CCDC93: variants seen among roughly 807,000 people sequenced by gnomAD.
The protein encoded by CCDC93 is coiled-coil domain-containing protein 93.
A neutral mutation model predicts 108.2 loss-of-function variants in CCDC93; 61 were observed. The observed-to-expected ratio is 0.56, with a 90% CI of 0.46 to 0.70. The LOEUF (loss-of-function observed/expected upper bound fraction) is 0.70, where lower values mean the gene tolerates loss of function less well. Among genes scored for constraint, CCDC93 ranks in the 30% least tolerant of loss-of-function variants. The pLI is 0.00. For missense variants in CCDC93, 685 were observed against 764.2 expected (o/e 0.90, Z 1.22); for synonymous variants, 276 against 260.4 (o/e 1.06, Z -0.58).
At chr2:117,944,806 T>C in intron 17 of CCDC93, 1 of 471,092 alleles carries the variant, frequency 2.1e-6, no homozygotes, top group Non-Finnish European at 4.4e-6. Flanking sequence ...TCCTGGGAGA[T>C]TACGAGGGTA....
chr2:117,954,458 T>A (rs2104749823), intron 12 of CCDC93, among the ~76,000 whole-genome samples: 1 of 152,338 alleles, frequency 6.6e-6, no homozygotes, highest in African/African-American at 2.4e-5. Context: ...ATTCTTCATC[T>A]GATCATCTTT....
At chr2:117,970,610 C>T (rs1339173975) in intron 11 of CCDC93, among the ~76,000 whole-genome samples, 2 of 152,132 alleles carry the variant, frequency 1.3e-5, no homozygotes, top group East Asian at 1.9e-4. Context: ...ACAAGGAAAA[C>T]GTTACTCGAG....
At chr2:117,926,964 C>T (rs1431355274) in intron 23 of CCDC93, among the ~76,000 whole-genome samples, 1 of 152,154 alleles carries the variant, frequency 6.6e-6, no homozygotes, top group African/African-American at 2.4e-5. Flanking sequence ...GCTGGTACAA[C>T]ATATGCAAAT....
chr2:117,928,469 C>G (rs549793129), intron 23 of CCDC93, among the ~76,000 whole-genome samples: 1,750 of 152,312 alleles, frequency 0.011, 20 homozygotes, highest in Middle Eastern at 0.037. Context: ...AGACACTTCT[C>G]AAAAGAAGAC....
intron 11 of CCDC93, among the ~76,000 whole-genome samples, chr2:117,960,717 T>G (rs367746513): frequency 3.3e-5 from 5 of 152,198 alleles, no homozygotes; most frequent in East Asian, 3.9e-4. Flanking sequence ...TTGAGCCACA[T>G]GCTCCCTCAA....
intron 20 of CCDC93, among the ~76,000 whole-genome samples, chr2:117,938,209 A>G (rs1170846419): frequency 6.6e-6 from 1 of 152,210 alleles, no homozygotes; most frequent in Non-Finnish European, 1.5e-5. Context: ...GGTGAGAAAA[A>G]AGAGGCCACA....
Position 117,931,043 on chromosome 2 carries a change from G to A in CCDC93, c.1836C>T (p.Phe612=). The A allele has an allele frequency of 6.2e-7, 1 of 1,603,052 alleles. No individual in the cohort carries two copies. The highest frequency in any genetic ancestry group is 8.5e-7 in the Non-Finnish European group (1 of 1,171,248). Reference sequence around the variant, plus strand: ...TACCCAGCCTTCCTCTTACCTCCTTGAACTCTTTCACAGTCTTAAAGTATA... The same window carrying A: ...TACCCAGCCTTCCTCTTACCTCCTTAAACTCTTTCACAGTCTTAAAGTATA... ...QRLYFKTVKE[F]KEEGRKNEML... The change falls in exon 23 of 24, where the codon TTC becomes TTT. Residue 612 remains phenylalanine, a synonymous_variant. Transcript: ENST00000376300.
intron 23 of CCDC93, among the ~76,000 whole-genome samples, chr2:117,929,721 G>C (rs191902789): frequency 6.6e-6 from 1 of 152,262 alleles, no homozygotes; most frequent in East Asian, 1.9e-4. Context: ...TTCACTCACT[G>C]GCCCTTCTGG....
At chr2:117,978,644 C>A (rs1680016929) in intron 7 of CCDC93, among the ~76,000 whole-genome samples, 1 of 152,144 alleles carries the variant, frequency 6.6e-6, no homozygotes, top group African/African-American at 2.4e-5. Context: ...AAAATGCAAA[C>A]CACCCAGCCT....
At position 117,949,388 on chromosome 2, in the gene CCDC93, G is replaced by A. The variant is rs1678978261; in HGVS notation, c.1076C>T (p.Thr359Ile). The A allele has an allele frequency of 6.2e-7, 1 of 1,612,196 alleles. No homozygotes were observed. Among genetic ancestry groups the A allele is most frequent in the Non-Finnish European group, 8.5e-7 (1 of 1,178,272 alleles). The stretch of plus-strand genomic sequence containing the variant: ...CTCTTTGTCCAGTTTCTCACTGTAA[G>A]TCTTCAGCTGCAAGAGAGAATGAAG... ...EAKKTLTELKTYSEKLDKEQA... is the reference protein window; with the variant it reads ...EAKKTLTELKIYSEKLDKEQA... Residue 359 changes from threonine to isoleucine, a missense_variant, in exon 14 of 24, where the codon ACT becomes ATT. Physicochemically the swap from Thr to Ile is moderately conservative, Grantham distance 89. Coordinates refer to ENST00000376300, the MANE Select transcript of CCDC93 (RefSeq NM_019044.5).
chr2:117,933,810 CCTCT>C (rs1281774026), intron 22 of CCDC93, among the ~76,000 whole-genome samples: 1 of 152,068 alleles, frequency 6.6e-6, no homozygotes, highest in Non-Finnish European at 1.5e-5. Flanking sequence ...TATCTGGAGC[CCTCT>C]CTGAGAACTG....
chr2:117,969,778 T>C (rs180964818), intron 11 of CCDC93, among the ~76,000 whole-genome samples: 4 of 152,338 alleles, frequency 2.6e-5, no homozygotes, highest in African/African-American at 7.2e-5. Context: ...ATACTAGCTA[T>C]TACGCATACA....
At chr2:117,985,109 C>T (rs539620981) in intron 7 of CCDC93, among the ~76,000 whole-genome samples, 3 of 148,884 alleles carry the variant, frequency 2.0e-5, no homozygotes, top group African/African-American at 7.5e-5. Flanking sequence ...TAGAAACAGA[C>T]TAGTTTTTAT....
At chr2:117,923,866 G>T (rs966036832) in intron 23 of CCDC93, among the ~76,000 whole-genome samples, 2 of 151,984 alleles carry the variant, frequency 1.3e-5, no homozygotes, top group African/African-American at 4.8e-5. Context: ...TAGCCAAACT[G>T]GGAGGCACAC....
intron 12 of CCDC93, among the ~76,000 whole-genome samples, chr2:117,957,218 C>T (rs578076220): frequency 5.3e-5 from 8 of 152,222 alleles, no homozygotes; most frequent in African/African-American, 9.6e-5. Flanking sequence ...TCTTCTTCTA[C>T]GTGTATTCTT....
In CCDC93 at chr2:118,000,681, C is replaced by T. The variant is rs1680818003; in HGVS notation, c.363+140G>A. ...TTCTGAAGATGACGACAACGAACAC[C>T]ACCATGTTCTGCTGTACCAAATCTA... On this transcript the variant is annotated intron_variant, in intron 4 of 23. Transcript: ENST00000376300. 7 of 595,296 alleles carry T rather than the reference C, an allele frequency of 1.2e-5. No individual in the cohort carries two copies. The Admixed American group carries it at 2.1e-4, about 17-fold the overall frequency. The allele number at this position is 595,296 out of a possible 1,614,324, so 36.9% of individuals were successfully genotyped here.
chr2:117,958,425 A>C lies in CCDC93; in HGVS notation c.945T>G (p.His315Gln), dbSNP rs902942102. 5.0e-6 allele frequency: 8 copies of C among 1,613,852 alleles called. No individual in the cohort carries two copies. In the African/African-American group the frequency reaches 1.1e-4, roughly 22 times the overall value. Residue 315 changes from histidine to glutamine, a missense_variant, in exon 12 of 24, where the codon CAT (histidine) becomes CAG (glutamine). Transcript: ENST00000376300. ...SPEKLGTSQL[H>Q]RRKVISLNKQ... ...TGTTCAAGGAAATGACTTTCCGGCG[A>C]TGTAGCTGGGAGGTTCCTAATTTTT...
chr2:118,003,467 G>A (rs371908541), intron 3 of CCDC93, among the ~76,000 whole-genome samples: 5 of 152,162 alleles, frequency 3.3e-5, no homozygotes, highest in East Asian at 1.9e-4. Flanking sequence ...GCAGGGGCAC[G>A]TGATCAATAC....
chr2:117,979,476 G>A (rs1680044023), intron 7 of CCDC93, among the ~76,000 whole-genome samples: 1 of 152,162 alleles, frequency 6.6e-6, no homozygotes, highest in Non-Finnish European at 1.5e-5. Context: ...TTCCCAGATG[G>A]TGAATACATG....
Sources: gnomAD v4.1 joint callset for allele counts (sites outside exome capture counted in the v4.1 genomes callset) on GRCh38, gnomAD v4.1.1 for gene constraint, MANE v1.5 for transcripts, NCBI Gene and HGNC (gene_info 2026-07-23, HGNC 2026-07-21) for gene names.